The following IL20RA variants were observed in gnomAD, a reference collection of about 807,000 sequenced individuals.
The protein encoded by IL20RA is interleukin 20 receptor subunit alpha, also known as interleukin-20 receptor subunit alpha.
A neutral mutation model predicts 36.5 loss-of-function variants in IL20RA; 29 were observed. The ratio of observed to expected loss-of-function variants is 0.79; its 90% CI spans 0.59 to 1.08. The LOEUF (loss-of-function observed/expected upper bound fraction) is 1.08. Ranked by LOEUF, IL20RA falls within the 50% of genes least tolerant of loss-of-function variation. IL20RA has a pLI of 0.00. For synonymous variants in IL20RA, 279 were observed against 267.1 expected, an observed-to-expected ratio of 1.04 and a Z score of -0.43; for missense variants, 652 against 668.4, an observed-to-expected ratio of 0.98 and a Z score of 0.27.
intron 1 of IL20RA, among the ~76,000 whole-genome samples, chr6:137,035,378 T>G (rs1582840434): frequency 6.6e-6 from 1 of 152,336 alleles, no homozygotes; most frequent in East Asian, 1.9e-4. Flanking sequence ...TAAAGGACCT[T>G]CCTATAGGAA....
At position 137,028,414 on chromosome 6, in the gene IL20RA, TAAAAAAAAA is replaced by T. The variant is rs36068116; in HGVS notation, c.89-11320_89-11312del. Among the ~76,000 whole-genome samples, 20 of 117,284 alleles carry T rather than the reference TAAAAAAAAA, an allele frequency of 1.7e-4. 1 individual carries two copies. The South Asian group carries it at 5.6e-3, about 33-fold the overall frequency. 76.9% of individuals were successfully genotyped at this position (117,284 alleles called of 152,430 possible). A position where few individuals can be genotyped will look rare whatever the true frequency, so the allele number is the denominator to read the frequency against. ...CTGGGTGACAGAGTGAGACTCCATC[TAAAAAAAAA>T]AAAAAAAAAAAGAAATTGACAGAAA... On this transcript the variant is annotated intron_variant, in intron 1 of 6. Coordinates refer to ENST00000316649, the MANE Select transcript of IL20RA (RefSeq NM_014432.4).
intron 2 of IL20RA, among the ~76,000 whole-genome samples, chr6:137,015,255 T>TAACA (rs1218439034): frequency 3.9e-5 from 6 of 152,200 alleles, no homozygotes. Flanking sequence ...CACTTAGCTC[T>TAACA]AACAGGTTTT....
chr6:137,044,133 T>C, intron 1 of IL20RA: 3 of 985,708 alleles, frequency 3.0e-6, no homozygotes, highest in Non-Finnish European at 3.6e-6. Flanking sequence ...CCTTCGGGGC[T>C]GACCCTTTCG....
At position 137,019,869 on chromosome 6, in the gene IL20RA, C is replaced by A. The variant is rs544727505; in HGVS notation, c.89-2766G>T. The stretch of plus-strand genomic sequence containing the variant: ...AATGCTGTGAACTATGTATGCCTCC[C>A]CTGCACGTCTACATTATGGGTAAAT... On this transcript the variant is annotated intron_variant, in intron 1 of 6. Coordinates refer to ENST00000316649, the MANE Select transcript of IL20RA (RefSeq NM_014432.4). 5.9e-5 allele frequency among the ~76,000 whole-genome samples: 9 copies of A among 152,282 alleles called. No homozygotes were observed. The South Asian group carries it at 1.9e-3, about 32-fold the overall frequency.
chr6:137,004,171 T>TGTG (rs1775186944), intron 6 of IL20RA, among the ~76,000 whole-genome samples: 1 of 131,750 alleles, frequency 7.6e-6, no homozygotes, highest in African/African-American at 3.0e-5. Flanking sequence ...TTTTTTTTTT[T>TGTG]TTTTTTTTTT....
chr6:137,041,813 T>TAA (rs1301315092), intron 1 of IL20RA, among the ~76,000 whole-genome samples: 3 of 136,178 alleles, frequency 2.2e-5, no homozygotes, highest in Non-Finnish European at 4.9e-5. Flanking sequence ...TATTTTTTTT[T>TAA]AAATATATAT....
intron 1 of IL20RA, among the ~76,000 whole-genome samples, chr6:137,027,291 G>C (rs1385518758): frequency 1.3e-5 from 2 of 152,204 alleles, no homozygotes; most frequent in Non-Finnish European, 2.9e-5. Context: ...TTCGGTGCTA[G>C]CATTAGTTCC....
intron 1 of IL20RA, among the ~76,000 whole-genome samples, chr6:137,019,914 G>A (rs1244994328): frequency 6.6e-6 from 1 of 152,220 alleles, no homozygotes; most frequent in Non-Finnish European, 1.5e-5. Context: ...CACCATGACT[G>A]TGGTAGCTGG....
At chr6:137,044,591 C>G in intron 1 of IL20RA, 50 bp downstream of exon 1, 1 of 1,217,690 alleles carries the variant, frequency 8.2e-7, no homozygotes, top group Non-Finnish European at 1.0e-6. Flanking sequence ...CTGGCGGGGC[C>G]CCGGCCTGGA....
intron 1 of IL20RA, among the ~76,000 whole-genome samples, chr6:137,031,688 T>C (rs1776289128): frequency 6.6e-6 from 1 of 152,222 alleles, no homozygotes; most frequent in South Asian, 2.1e-4. Context: ...CAAGTGATGC[T>C]TCACTGTTAC....
chr6:137,003,970 C>T (rs746223768), intron 6 of IL20RA, among the ~76,000 whole-genome samples: 4 of 152,164 alleles, frequency 2.6e-5, no homozygotes, highest in East Asian at 1.9e-4. Flanking sequence ...GAATTCCCAG[C>T]GCCTGCTCTC....
At chr6:137,004,540 G>T in intron 6 of IL20RA, 81 bp downstream of exon 6, 3 of 1,308,264 alleles carry the variant, frequency 2.3e-6, no homozygotes, top group South Asian at 1.3e-5. Context: ...AAAGGGAACT[G>T]AATCTGTTCT....
chr6:137,009,033 C>T, intron 4 of IL20RA: 1 of 558,092 alleles, frequency 1.8e-6, no homozygotes, highest in Middle Eastern at 4.6e-4. Context: ...TTCTTCTTCT[C>T]AGAGAAAGAC....
At chr6:137,005,738 T>G (rs1582817347) in intron 5 of IL20RA, among the ~76,000 whole-genome samples, 4 of 152,174 alleles carry the variant, frequency 2.6e-5, no homozygotes, top group Admixed American at 2.6e-4. Flanking sequence ...ATAATGTGGG[T>G]GAGTCTCATC....
chr6:137,008,583 A>G lies in IL20RA; in HGVS notation c.724+16T>C, dbSNP rs1364025537. 3.2e-6 allele frequency: 5 copies of G among 1,577,360 alleles called. No individual in the cohort carries two copies. The Admixed American group carries it at 7.3e-5, about 23-fold the overall frequency. ...AGATCTCCTTCCTAGACCAGCAAAG[A>G]TTTTTTAAAGCTTACCTTTCAAAGT... On this transcript the variant is annotated intron_variant, in intron 5 of 6. Transcript: ENST00000316649.
intron 2 of IL20RA, among the ~76,000 whole-genome samples, chr6:137,011,819 T>C (rs899182199): frequency 1.3e-5 from 2 of 152,244 alleles, no homozygotes; most frequent in African/African-American, 2.4e-5. Context: ...CGAGGTCAGT[T>C]TGACGGATTG....
intron 2 of IL20RA, among the ~76,000 whole-genome samples, chr6:137,013,547 A>G (rs1451482511): frequency 6.6e-6 from 1 of 152,196 alleles, no homozygotes; most frequent in African/African-American, 2.4e-5. Flanking sequence ...CAGGGAGATT[A>G]AGGGATCCAC....
intron 1 of IL20RA, among the ~76,000 whole-genome samples, chr6:137,030,038 G>A (rs1488342580): frequency 7.8e-6 from 1 of 127,698 alleles, no homozygotes; most frequent in South Asian, 2.9e-4. Context: ...TTTCATTAAA[G>A]AATTATGGTG....
At chr6:137,034,150 T>C (rs1001152072) in intron 1 of IL20RA, among the ~76,000 whole-genome samples, 6 of 152,178 alleles carry the variant, frequency 3.9e-5, no homozygotes, top group Non-Finnish European at 7.4e-5. Context: ...GTCAGTGTCC[T>C]ACAGTCACAA....
Sources: allele counts gnomAD v4.1 joint callset (sites outside exome capture counted in the v4.1 genomes callset), GRCh38; gene constraint gnomAD v4.1.1; transcripts MANE v1.5; gene names NCBI Gene and HGNC (gene_info 2026-07-23, HGNC 2026-07-21).